DCC: variants seen among roughly 807,000 people sequenced by gnomAD.
DCC encodes the protein DCC netrin 1 receptor.
Under a neutral mutation model 172.5 loss-of-function variants are expected in DCC, and 58 were observed. That is an observed-to-expected ratio of 0.34 (90% confidence interval 0.27 to 0.42). The LOEUF is 0.42. DCC is among the 10% of genes least tolerant of loss of function. DCC has a pLI of 1.00. For missense variants in DCC, 1,740 were observed against 1,791.0 expected (o/e 0.97, Z 0.51); for synonymous variants, 709 against 644.5 (o/e 1.10, Z -1.52).
intron 25 of DCC, among the ~76,000 whole-genome samples, chr18:53,484,486 G>C (rs1410097190): frequency 6.6e-6 from 1 of 151,880 alleles, no homozygotes; most frequent in Non-Finnish European, 1.5e-5. Context: ...CTTTTGGTGT[G>C]AAACCTAAAA....
At chr18:52,883,200 C>G (rs1287212683) in intron 2 of DCC, among the ~76,000 whole-genome samples, 4 of 151,978 alleles carry the variant, frequency 2.6e-5, no homozygotes, top group Non-Finnish European at 4.4e-5. Context: ...ATGTTTTAAT[C>G]TATTAAGACA....
intron 7 of DCC, among the ~76,000 whole-genome samples, chr18:53,081,187 A>G (rs1313392999): frequency 6.6e-6 from 1 of 152,034 alleles, no homozygotes; most frequent in Non-Finnish European, 1.5e-5. Context: ...TAGAAGGACT[A>G]ACTTTGGCTT....
chr18:53,470,013 C>T (rs560074158), intron 25 of DCC, among the ~76,000 whole-genome samples: 3 of 152,122 alleles, frequency 2.0e-5, no homozygotes, highest in Non-Finnish European at 4.4e-5. Flanking sequence ...TGGTTTTCTT[C>T]CTACCCTTCT....
rs568000439 is a variant in DCC, at chr18:52,973,835, C to T, written c.985+48465C>T. ...TTAACCAACACATTTTCACTGGAGG[C>T]TTATTTATCTTTCATTTCTATAGGA... On this transcript the variant is annotated intron_variant, in intron 5 of 28. Coordinates refer to ENST00000442544, the MANE Select transcript of DCC (RefSeq NM_005215.4). Among the ~76,000 whole-genome samples, 18 of 152,202 alleles carry T rather than the reference C, an allele frequency of 1.2e-4. No homozygotes were observed. The South Asian group carries it at 2.9e-3, about 25-fold the overall frequency.
At chr18:52,747,839 G>A (rs150903087) in intron 1 of DCC, among the ~76,000 whole-genome samples, 11 of 152,312 alleles carry the variant, frequency 7.2e-5, no homozygotes, top group South Asian at 2.1e-4. Flanking sequence ...TAATGTATTC[G>A]TGGGACATTT....
chr18:52,677,686 C>CT (rs1188497338), intron 1 of DCC, among the ~76,000 whole-genome samples: 14 of 151,924 alleles, frequency 9.2e-5, no homozygotes, highest in Admixed American at 7.9e-4. Flanking sequence ...ACAGATTTTC[C>CT]TTTTTTTCCT....
At chr18:53,317,621 G>A (rs973476263) in intron 13 of DCC, among the ~76,000 whole-genome samples, 1 of 151,956 alleles carries the variant, frequency 6.6e-6, no homozygotes, top group Admixed American at 6.6e-5. Context: ...GGCTTTTTTT[G>A]GTTGGTAGGC....
intron 25 of DCC, among the ~76,000 whole-genome samples, chr18:53,482,828 T>A (rs909850014): frequency 6.6e-6 from 1 of 152,014 alleles, no homozygotes; most frequent in Non-Finnish European, 1.5e-5. Context: ...TTCAGTTGAC[T>A]GCCTCAGAGT....
At chr18:53,388,881 C>G (rs1908358980) in intron 16 of DCC, among the ~76,000 whole-genome samples, 1 of 152,082 alleles carries the variant, frequency 6.6e-6, no homozygotes, top group Non-Finnish European at 1.5e-5. Flanking sequence ...ACCTCTTAGG[C>G]TCAAGTGATC....
chr18:52,587,462 AAT>A (rs2033700984), intron 1 of DCC, among the ~76,000 whole-genome samples: 1 of 152,206 alleles, frequency 6.6e-6, no homozygotes, highest in Non-Finnish European at 1.5e-5. Context: ...GTGGGATACA[AAT>A]ATCTTCATGG....
At chr18:53,267,253 C>T (rs368649440) in intron 12 of DCC, among the ~76,000 whole-genome samples, 1 of 152,064 alleles carries the variant, frequency 6.6e-6, no homozygotes, top group East Asian at 1.9e-4. Context: ...GTGGTACAAT[C>T]TCAGCTTACC....
intron 1 of DCC, among the ~76,000 whole-genome samples, chr18:52,704,456 A>C (rs1282973345): frequency 1.3e-5 from 2 of 152,372 alleles, no homozygotes; most frequent in Middle Eastern, 3.4e-3. Flanking sequence ...AAAGAAAATT[A>C]TATACAGACT....
At chr18:52,517,034 T>C (rs868462338) in intron 1 of DCC, among the ~76,000 whole-genome samples, 1 of 152,096 alleles carries the variant, frequency 6.6e-6, no homozygotes, top group Non-Finnish European at 1.5e-5. Context: ...CTGAAAACAG[T>C]AAACAAACCA....
At chr18:53,351,291 GTATATATATATA>G (rs147758557) in intron 15 of DCC, among the ~76,000 whole-genome samples, 3 of 34,452 alleles carry the variant, frequency 8.7e-5, no homozygotes, top group Admixed American at 4.4e-4. Context: ...ATTGAGTACA[GTATATATATATA>G]TATATATATA....
At chr18:52,800,581 G>A (rs540420318) in intron 2 of DCC, among the ~76,000 whole-genome samples, 21 of 152,168 alleles carry the variant, frequency 1.4e-4, no homozygotes, top group Admixed American at 2.0e-4. Context: ...TTGACGGTGA[G>A]GTTAGATGCA....
At chr18:53,505,584 T>C (rs1204342855) in intron 27 of DCC, among the ~76,000 whole-genome samples, 3 of 152,190 alleles carry the variant, frequency 2.0e-5, no homozygotes, top group African/African-American at 7.2e-5. Context: ...TGTTAGACCA[T>C]ATATGAAACT....
intron 27 of DCC, among the ~76,000 whole-genome samples, chr18:53,506,009 T>G (rs976281755): frequency 1.3e-5 from 2 of 152,200 alleles, no homozygotes; most frequent in African/African-American, 4.8e-5. Context: ...TTGTCACCTT[T>G]TTATAGTTTA....
intron 11 of DCC, among the ~76,000 whole-genome samples, chr18:53,211,674 A>G (rs2144568719): frequency 6.6e-6 from 1 of 152,190 alleles, no homozygotes. Flanking sequence ...CAGTGAGCCG[A>G]GATCGTGCCT....
chr18:53,154,951 C>T (rs991391329), intron 7 of DCC, among the ~76,000 whole-genome samples: 2 of 152,150 alleles, frequency 1.3e-5, no homozygotes, highest in African/African-American at 2.4e-5. Context: ...TTTCCTCTCC[C>T]TCACCACTCT....
Sources: allele counts gnomAD v4.1 joint callset (sites outside exome capture counted in the v4.1 genomes callset), GRCh38; gene constraint gnomAD v4.1.1; transcripts MANE v1.5; gene names NCBI Gene and HGNC (gene_info 2026-07-23, HGNC 2026-07-21).